Variants in PRKCA observed in about 807,000 individuals in gnomAD.
PRKCA encodes the protein protein kinase C alpha type.
Under a neutral mutation model 87.0 loss-of-function variants are expected in PRKCA, and 27 were observed. The observed-to-expected ratio is 0.31, with a 90% CI of 0.23 to 0.43. The LOEUF (loss-of-function observed/expected upper bound fraction) is 0.43. Ranked by LOEUF, PRKCA falls within the 20% of genes least tolerant of loss-of-function variation. The pLI, the probability that PRKCA is intolerant of heterozygous loss-of-function variation, is 1.00. For missense variants in PRKCA, 518 were observed against 852.3 expected, an observed-to-expected ratio of 0.61 and a Z score of 4.88; for synonymous variants, 329 against 311.1, an observed-to-expected ratio of 1.06 and a Z score of -0.61.
intron 3 of PRKCA, among the ~76,000 whole-genome samples, chr17:66,539,407 CTT>C (rs961589508): frequency 6.3e-5 from 9 of 143,362 alleles, no homozygotes; most frequent in Admixed American, 1.4e-4. Flanking sequence ...GCTTTGAAAT[CTT>C]TTTTTTTTTT....
At chr17:66,713,730 C>T (rs1023548326) in intron 8 of PRKCA, among the ~76,000 whole-genome samples, 2 of 152,198 alleles carry the variant, frequency 1.3e-5, no homozygotes, top group African/African-American at 4.8e-5. Context: ...TTGGCTTGGT[C>T]ATGAGCTAAT....
At chr17:66,460,327 C>A (rs1338176473) in intron 2 of PRKCA, among the ~76,000 whole-genome samples, 1 of 152,054 alleles carries the variant, frequency 6.6e-6, no homozygotes, top group Non-Finnish European at 1.5e-5. Flanking sequence ...TTAAAAATAG[C>A]TCCTTCAGAT....
intron 2 of PRKCA, among the ~76,000 whole-genome samples, chr17:66,425,770 A>C (rs1184475238): frequency 6.6e-6 from 1 of 152,216 alleles, no homozygotes; most frequent in East Asian, 1.9e-4. Context: ...CAAGAACTCT[A>C]AGGTATGTGC....
chr17:66,573,680 A>C (rs377339087), intron 3 of PRKCA, among the ~76,000 whole-genome samples: 6 of 152,222 alleles, frequency 3.9e-5, no homozygotes, highest in Non-Finnish European at 7.4e-5. Context: ...ATTCTTTGAC[A>C]TTATGCTTTG....
chr17:66,564,935 A>G (rs1968840642), intron 3 of PRKCA, among the ~76,000 whole-genome samples: 1 of 152,126 alleles, frequency 6.6e-6, no homozygotes, highest in South Asian at 2.1e-4. Flanking sequence ...AGCCAAGATC[A>G]CGCCACTGCA....
At chr17:66,685,333 G>A (rs1972598179) in intron 5 of PRKCA, among the ~76,000 whole-genome samples, 1 of 152,198 alleles carries the variant, frequency 6.6e-6, no homozygotes, top group Non-Finnish European at 1.5e-5. Context: ...GTTACATGGT[G>A]AAGGAGGCAG....
intron 16 of PRKCA, among the ~76,000 whole-genome samples, chr17:66,799,238 GTGGTGA>G (rs1975805534): frequency 1.4e-5 from 1 of 70,338 alleles, no homozygotes; most frequent in Non-Finnish European, 3.1e-5. Context: ...GGTGGTGGTG[GTGGTGA>G]TGGTGGTGGT....
intron 2 of PRKCA, among the ~76,000 whole-genome samples, chr17:66,330,249 G>A (rs1231400318): frequency 1.3e-5 from 2 of 151,926 alleles, no homozygotes; most frequent in Non-Finnish European, 2.9e-5. Context: ...GGGATTACAG[G>A]TGCCCGCCAC....
chr17:66,789,309 G>A (rs1975476183), intron 16 of PRKCA, among the ~76,000 whole-genome samples: 1 of 152,200 alleles, frequency 6.6e-6, no homozygotes, highest in South Asian at 2.1e-4. Flanking sequence ...CACCCAGCAG[G>A]GCCGTATTCA....
chr17:66,748,269 G>A (rs1974345010), intron 13 of PRKCA, among the ~76,000 whole-genome samples: 1 of 152,220 alleles, frequency 6.6e-6, no homozygotes, highest in African/African-American at 2.4e-5. Flanking sequence ...GCCTGGGACA[G>A]CAGCCAGATT....
At chr17:66,370,575 A>T (rs1429552932) in intron 2 of PRKCA, among the ~76,000 whole-genome samples, 5 of 124,430 alleles carry the variant, frequency 4.0e-5, no homozygotes, top group African/African-American at 1.3e-4. Flanking sequence ...TTTTTGAGAC[A>T]GGGTCTCACT....
chr17:66,643,469 A>T (rs1380922991), intron 4 of PRKCA, among the ~76,000 whole-genome samples: 1 of 152,234 alleles, frequency 6.6e-6, no homozygotes, highest in African/African-American at 2.4e-5. Context: ...TTTATAATAA[A>T]TAAGTGGTAT....
At chr17:66,520,256 G>T (rs1967115150) in intron 3 of PRKCA, among the ~76,000 whole-genome samples, 1 of 151,868 alleles carries the variant, frequency 6.6e-6, no homozygotes. Context: ...AAGTAGCTGG[G>T]ATTACGGGTG....
At chr17:66,397,517 T>C (rs1223796885) in intron 2 of PRKCA, among the ~76,000 whole-genome samples, 4 of 152,110 alleles carry the variant, frequency 2.6e-5, no homozygotes, top group African/African-American at 9.7e-5. Flanking sequence ...TGTTTTTCTT[T>C]TTTAGCTTGT....
intron 3 of PRKCA, among the ~76,000 whole-genome samples, chr17:66,500,332 T>C (rs576453671): frequency 2.6e-4 from 40 of 152,160 alleles, no homozygotes; most frequent in Non-Finnish European, 4.9e-4. Context: ...ACTGTGCAAA[T>C]CTGCAAGCAA....
intron 1 of PRKCA, among the ~76,000 whole-genome samples, chr17:66,303,503 T>TGGG (rs5821532): frequency 3.3e-5 from 5 of 151,460 alleles, no homozygotes; most frequent in African/African-American, 1.2e-4. Context: ...GCGTTCGGGG[T>TGGG]GGGGGGGTTG....
At position 66,371,153 on chromosome 17, in the gene PRKCA, T is replaced by C. The variant is rs559109804; in HGVS notation, c.205+65026T>C. Among the ~76,000 whole-genome samples, 3 of 152,304 alleles carry C rather than the reference T, an allele frequency of 2.0e-5. No homozygotes were observed. In the South Asian group the frequency reaches 6.2e-4, roughly 32 times the overall value. On this transcript the variant is annotated intron_variant, in intron 2 of 16. Coordinates refer to ENST00000413366, the MANE Select transcript of PRKCA (RefSeq NM_002737.3). Reference sequence around the variant, plus strand: ...AGTTCCCCCATCTTTGGCCAAAATATCACATTTTAAACCAATGAAGAGTTA... The same window carrying C: ...AGTTCCCCCATCTTTGGCCAAAATACCACATTTTAAACCAATGAAGAGTTA...
At chr17:66,306,344 CCT>C in intron 2 of PRKCA, 1 of 384,666 alleles carries the variant, frequency 2.6e-6, no homozygotes, top group Non-Finnish European at 4.5e-6. Flanking sequence ...AAAAAAAAAG[CCT>C]TTCTGTAATT....
chr17:66,522,869 C>T (rs1475252208), intron 3 of PRKCA, among the ~76,000 whole-genome samples: 143 of 151,260 alleles, frequency 9.5e-4, no homozygotes, highest in Non-Finnish European at 1.2e-4. Flanking sequence ...CATAATGAAA[C>T]CTACTATGAA....
Sources: gnomAD v4.1 joint callset for allele counts (sites outside exome capture counted in the v4.1 genomes callset) on GRCh38, gnomAD v4.1.1 for gene constraint, MANE v1.5 for transcripts, NCBI Gene and HGNC (gene_info 2026-07-23, HGNC 2026-07-21) for gene names.